The following DNM2 variants were observed in gnomAD, a reference collection of about 807,000 sequenced individuals.
DNM2 encodes dynamin 2.
Under a neutral mutation model 99.0 loss-of-function variants are expected in DNM2, and 15 were observed. The ratio of observed to expected loss-of-function variants is 0.15; its 90% CI spans 0.10 to 0.23. The LOEUF (loss-of-function observed/expected upper bound fraction) is 0.23, where lower values mean the gene tolerates loss of function less well. DNM2 is among the 10% of genes least tolerant of loss of function. The pLI is 1.00. For synonymous variants in DNM2, 525 were observed against 481.2 expected (o/e 1.09, Z -1.19); for missense variants, 742 against 1,189.4 (o/e 0.62, Z 5.53).
At chr19:10,789,909 G>A (rs894422589) in intron 7 of DNM2, among the ~76,000 whole-genome samples, 1 of 152,190 alleles carries the variant, frequency 6.6e-6, no homozygotes, top group Non-Finnish European at 1.5e-5. Flanking sequence ...ACTGGGCCAG[G>A]GGATGCCCAT....
intron 18 of DNM2, among the ~76,000 whole-genome samples, chr19:10,825,693 A>AG (rs546612795): frequency 0.036 from 5,469 of 150,566 alleles, 413 homozygotes; most frequent in East Asian, 0.35. Context: ...AGAGAGAGAG[A>AG]AAAATACAAA....
chr19:10,803,246 A>G (rs1029560211), intron 12 of DNM2, among the ~76,000 whole-genome samples: 1 of 152,184 alleles, frequency 6.6e-6, no homozygotes, highest in African/African-American at 2.4e-5. Flanking sequence ...CTAGAGCCAA[A>G]TCTCAGGCTA....
chr19:10,812,161 T>G lies in DNM2; in HGVS notation c.1558-103T>G, dbSNP rs1187663168. 1.0e-6 allele frequency: 1 copy of G among 958,156 alleles called. No homozygotes were observed. Among genetic ancestry groups the G allele is most frequent in the Non-Finnish European group, 1.6e-6 (1 of 630,982 alleles). 59.4% of individuals were successfully genotyped at this position (958,156 alleles called of 1,614,324 possible). ...GCTTTGGGGCTGGAGGTGTCTCTAT[T>G]GCGGTCCCTGGCTTCCCACTGAGCT... On this transcript the variant is annotated intron_variant, in intron 14 of 20. Transcript: ENST00000389253. The surrounding 1 kb of genome is among the most constrained non-coding windows in gnomAD (Gnocchi z 4.0).
At chr19:10,788,232 CAA>C (rs55881063) in intron 7 of DNM2, among the ~76,000 whole-genome samples, 7 of 57,002 alleles carry the variant, frequency 1.2e-4, no homozygotes, top group Non-Finnish European at 1.4e-4. Context: ...GACTCCGTCT[CAA>C]AAAAAAAAAA....
intron 1 of DNM2, among the ~76,000 whole-genome samples, chr19:10,745,622 A>G (rs1272704191): frequency 2.0e-5 from 3 of 152,210 alleles, no homozygotes; most frequent in Non-Finnish European, 2.9e-5. Flanking sequence ...GCTTCAGCCC[A>G]GGAGTTTGAG....
rs190486821 is a variant in DNM2, at chr19:10,792,694, G to A, written c.993-1026G>A. Among the ~76,000 whole-genome samples the A allele has an allele frequency of 2.7e-3, 404 of 151,778 alleles. 1 individual carries two copies. The highest frequency in any genetic ancestry group is 9.2e-3 in the African/African-American group (382 of 41,342). ...GCGATCTCGGCTCACTGCAGCCTCC[G>A]CCACCCAGATTCAAGCGGTTCTCCT... On this transcript the variant is annotated intron_variant, in intron 7 of 20. Coordinates refer to ENST00000389253, the MANE Select transcript of DNM2 (RefSeq NM_001005361.3).
intron 1 of DNM2, among the ~76,000 whole-genome samples, chr19:10,757,960 A>AAAG (rs1555702441): frequency 2.7e-5 from 4 of 150,454 alleles, no homozygotes; most frequent in African/African-American, 9.9e-5. Flanking sequence ...AAAAAAAAAA[A>AAAG]AAAAAGAAAA....
At position 10,797,473 on chromosome 19, in the gene DNM2, C is replaced by T. The variant is rs746346502; in HGVS notation, c.1290C>T (p.Leu430=). The change falls in exon 10 of 21, where the codon CTC becomes CTT. Residue 430 remains leucine, a synonymous_variant. Coordinates refer to ENST00000389253, the MANE Select transcript of DNM2 (RefSeq NM_001005361.3). The stretch of plus-strand genomic sequence containing the variant: ...AGCCGAGTTTGAAGTGTGTTGATCT[C>T]GTGGTCTCAGAGCTGGCCACGGTCA... ...LKEPSLKCVD[L]VVSELATVIK... 13 of 1,602,034 alleles carry T rather than the reference C, an allele frequency of 8.1e-6. No individual in the cohort carries two copies. The East Asian group carries it at 1.1e-4, about 14-fold the overall frequency.
At position 10,759,823 on chromosome 19, in the gene DNM2, C is replaced by A. The variant is rs147026993; in HGVS notation, c.235+12C>A. Reference sequence around the variant, plus strand: ...CTTCTCAAAAACAGGTAAAATGGGGCGGCCTGAGGTTCAGCAGGAAGTGGA... The same window carrying A: ...CTTCTCAAAAACAGGTAAAATGGGGAGGCCTGAGGTTCAGCAGGAAGTGGA... On this transcript the variant is annotated intron_variant, in intron 2 of 20. Coordinates refer to ENST00000389253, the MANE Select transcript of DNM2 (RefSeq NM_001005361.3). The A allele has an allele frequency of 0.013, 20,414 of 1,613,952 alleles. 173 individuals carry two copies. The highest frequency in any genetic ancestry group is 0.015 in the Non-Finnish European group (17,197 of 1,179,922).
In DNM2 at chr19:10,824,149, C is replaced by T. The variant is rs2073071115; in HGVS notation, c.1893+250C>T. On this transcript the variant is annotated intron_variant, in intron 17 of 20. Coordinates refer to ENST00000389253, the MANE Select transcript of DNM2 (RefSeq NM_001005361.3). ...GGGGTCCCACTTGCTTTGTTCTCTT[C>T]TCTTTTCCCCTTCCATCCTGAGGTA... 4 of 519,672 alleles carry T rather than the reference C, an allele frequency of 7.7e-6. No individual in the cohort carries two copies. The East Asian group carries it at 1.0e-4, about 14-fold the overall frequency. The allele number at this position is 519,672 out of a possible 1,614,324, so 32.2% of individuals were successfully genotyped here. A position where few individuals can be genotyped will look rare whatever the true frequency, so the allele number is the denominator to read the frequency against.
In DNM2 at chr19:10,830,647, A is replaced by C; in HGVS notation, c.2543+269A>C. On this transcript the variant is annotated intron_variant, in intron 20 of 20. Transcript: ENST00000389253. The surrounding 1 kb of genome is among the most constrained non-coding windows in gnomAD (Gnocchi z 4.8). ...GCCACCAGGCAGCTGGGGAACCCTCACACTGGGCACCTCCTCCCACTGTTT... is the reference window on the plus strand; with the variant it reads ...GCCACCAGGCAGCTGGGGAACCCTCCCACTGGGCACCTCCTCCCACTGTTT... 1 of 586,650 alleles carries C rather than the reference A, an allele frequency of 1.7e-6. No homozygotes were observed. Among genetic ancestry groups the C allele is most frequent in the East Asian group, 2.9e-5 (1 of 34,734 alleles). 36.3% of individuals were successfully genotyped at this position (586,650 alleles called of 1,614,324 possible).
intron 7 of DNM2, among the ~76,000 whole-genome samples, chr19:10,791,751 G>A (rs1162654735): frequency 1.3e-5 from 2 of 151,888 alleles, no homozygotes; most frequent in African/African-American, 4.8e-5. Flanking sequence ...TTAGTGCTAT[G>A]CCTTTGCTGA....
At chr19:10,788,329 A>G (rs2071637316) in intron 7 of DNM2, among the ~76,000 whole-genome samples, 2 of 151,868 alleles carry the variant, frequency 1.3e-5, no homozygotes, top group Non-Finnish European at 1.5e-5. Flanking sequence ...CGGCCAGTGC[A>G]AAGGCCCTGG....
At chr19:10,797,261 T>C (rs1013100892) in intron 9 of DNM2, 119 bp from the exon 10 acceptor site, 29 of 1,438,516 alleles carry the variant, frequency 2.0e-5, no homozygotes, top group Non-Finnish European at 2.5e-5. Context: ...GGCTCCCCCA[T>C]GCATGGACTA....
rs2072587392 is a variant in DNM2, at chr19:10,812,539, A to G, written c.1671+162A>G. Among the ~76,000 whole-genome samples, 1 of 152,172 alleles carries G rather than the reference A, an allele frequency of 6.6e-6. No homozygotes were observed. ...CACGGTGGCTCCCGCCTGTAATCCC[A>G]GCACTTTGGGAGGGCGAGGCAGGTA... On this transcript the variant is annotated intron_variant, in intron 15 of 20. Coordinates refer to ENST00000389253, the MANE Select transcript of DNM2 (RefSeq NM_001005361.3). The surrounding 1 kb of genome is among the most constrained non-coding windows in gnomAD (Gnocchi z 4.0).
At chr19:10,801,973 G>A (rs1183339290) in intron 11 of DNM2, among the ~76,000 whole-genome samples, 8 of 151,762 alleles carry the variant, frequency 5.3e-5, no homozygotes, top group Middle Eastern at 3.4e-3. Flanking sequence ...TGGGCCTCCT[G>A]TCACCCCATT....
At chr19:10,802,940 G>A (rs1405680314) in intron 12 of DNM2, among the ~76,000 whole-genome samples, 2 of 152,214 alleles carry the variant, frequency 1.3e-5, no homozygotes, top group Non-Finnish European at 2.9e-5. Context: ...CCCTTGGCAT[G>A]CTTAGGCCTC....
chr19:10,751,286 T>C (rs2070184400), intron 1 of DNM2, among the ~76,000 whole-genome samples: 1 of 151,484 alleles, frequency 6.6e-6, no homozygotes, highest in Non-Finnish European at 1.5e-5. Context: ...AGCACAGAGG[T>C]GGCCAAGCAG....
chr19:10,770,475 T>C (rs1039968763), intron 2 of DNM2, among the ~76,000 whole-genome samples: 6 of 152,194 alleles, frequency 3.9e-5, no homozygotes, highest in African/African-American at 1.4e-4. Flanking sequence ...GGTGTGATCA[T>C]AGATCATAGC....
Sources: allele counts gnomAD v4.1 joint callset (sites outside exome capture counted in the v4.1 genomes callset), GRCh38; gene constraint gnomAD v4.1.1; non-coding constraint Gnocchi (gnomAD v3.1); transcripts MANE v1.5; gene names NCBI Gene and HGNC (gene_info 2026-07-23, HGNC 2026-07-21).